Variants in KIF19 observed in about 807,000 individuals in gnomAD.
KIF19 encodes the protein kinesin family member 19.
KIF19 carries 98 observed loss-of-function variants against 106.6 expected under a neutral mutation model. That is an observed-to-expected ratio of 0.92 (90% CI 0.78 to 1.09). The LOEUF (loss-of-function observed/expected upper bound fraction) is 1.09. Among genes scored for constraint, KIF19 ranks in the 50% least tolerant of loss-of-function variants. KIF19 has a pLI of 0.00. For missense variants in KIF19, 1,373 were observed against 1,414.3 expected (o/e 0.97, Z 0.47); for synonymous variants, 516 against 584.2 (o/e 0.88, Z 1.68).
At position 74,352,071 on chromosome 17, in the gene KIF19, C is replaced by T. The variant is rs1338832337; in HGVS notation, c.1792C>T (p.Arg598Cys). ...GCTCCGCCACCGCCACGAGGCCGTG[C>T]GCCGCCTGGAGCAGCACCGCAGTCT... ...GALRHRHEAV[R>C]RLEQHRSLCD... The change falls in exon 13 of 20, where the codon CGC becomes TGC. Residue 598 changes from arginine (R) to cysteine (C), a missense_variant. Around this residue, in one of 3 missense-constraint regions of KIF19, gnomAD observed 1,020 missense variants for 1,008.2 expected, o/e 1.01. Transcript: ENST00000389916. 1.3e-6 allele frequency: 2 copies of T among 1,591,730 alleles called. No individual in the cohort carries two copies. The highest frequency in any genetic ancestry group is 8.5e-7 in the Non-Finnish European group (1 of 1,173,026).
Position 74,328,506 on chromosome 17 carries a change from G to T in KIF19, c.120+1G>T, listed in dbSNP as rs779415708. The T allele has an allele frequency of 3.2e-6, 5 of 1,585,244 alleles. No homozygotes were observed. In the South Asian group the frequency reaches 4.5e-5, roughly 14 times the overall value. ...CATCGCCCATAAAGTGGATGAGCAG[G>T]TATGCAGGGCTCTGCAGCAGGAGCT... is the stretch of plus-strand genomic sequence containing the variant. On this transcript the variant is annotated splice_donor_variant, in intron 2 of 19. Coordinates refer to ENST00000389916, the MANE Select transcript of KIF19 (RefSeq NM_153209.4). LOFTEE classifies it high-confidence loss of function.
In KIF19 at chr17:74,350,903, A is replaced by G. The variant is rs748741773; in HGVS notation, c.1585A>G (p.Lys529Glu). 6.5e-5 allele frequency: 105 copies of G among 1,613,364 alleles called. No homozygotes were observed. In the East Asian group the frequency reaches 2.2e-3, roughly 34 times the overall value. The stretch of plus-strand genomic sequence containing the variant: ...CGAGCAGAAGCAACTGCGCAAGCAG[A>G]AGGTGTCCAGGGTTTGGGGGGACAA... Reference protein sequence around the residue: ...VDEQKQLRKQKLALEQRCREL... With the variant: ...VDEQKQLRKQELALEQRCREL... The change falls in exon 12 of 20, where the codon AAG (lysine) becomes GAG (glutamate). Residue 529 changes from lysine (K) to glutamate (E), a missense_variant and splice_region_variant. Physicochemically the swap from Lys to Glu is moderately conservative, Grantham distance 56 (BLOSUM62 1). Coordinates refer to ENST00000389916, the MANE Select transcript of KIF19 (RefSeq NM_153209.4).
rs765868250 is a variant in KIF19 at position 74,352,140 on chromosome 17, A to G, written c.1858+3A>G. 2 of 1,582,612 alleles carry G rather than the reference A, an allele frequency of 1.3e-6. No homozygotes were observed. Among genetic ancestry groups the G allele is most frequent in the East Asian group, 4.6e-5 (2 of 43,924 alleles). On this transcript the variant is annotated splice_donor_region_variant and intron_variant, in intron 13 of 19. Coordinates refer to ENST00000389916, the MANE Select transcript of KIF19 (RefSeq NM_153209.4). ...GGGCCAGCGGCAGATCATCGACGGT[A>G]GGGCCCACGCCCCCGCGCATCTGAG...
intron 2 of KIF19, 104 bp downstream of exon 2, chr17:74,328,609 C>T: frequency 1.2e-6 from 1 of 860,272 alleles, no homozygotes. Context: ...CAGCACCCTC[C>T]TTCCTCTACT....
intron 1 of KIF19, among the ~76,000 whole-genome samples, chr17:74,327,092 G>A (rs1385750002): frequency 6.6e-6 from 1 of 152,168 alleles, no homozygotes; most frequent in Non-Finnish European, 1.5e-5. Flanking sequence ...CCACTAGGCT[G>A]TGGGTGGGTG....
intron 2 of KIF19, among the ~76,000 whole-genome samples, chr17:74,338,443 C>T (rs59396644): frequency 0.012 from 1,844 of 150,488 alleles, 55 homozygotes; most frequent in East Asian, 0.087. Context: ...TTCTTTTCCC[C>T]GCACAAAGCC....
Position 74,346,336 on chromosome 17 carries a change from T to A in KIF19, c.778-42T>A. 1 of 1,543,004 alleles carries A rather than the reference T, an allele frequency of 6.5e-7. No individual in the cohort carries two copies. Among genetic ancestry groups the A allele is most frequent in the Non-Finnish European group, 8.8e-7 (1 of 1,139,856 alleles). On this transcript the variant is annotated intron_variant, in intron 7 of 19. Transcript: ENST00000389916. This position sits in a 1 kb window ranked among gnomAD's most constrained non-coding sequence, Gnocchi z 4.6. ...GTGGCTGGGGAGAAACCCAGTCCCCTGCCTCATCAGGCCACACGTGTGCCC... is the reference window on the plus strand; with the variant it reads ...GTGGCTGGGGAGAAACCCAGTCCCCAGCCTCATCAGGCCACACGTGTGCCC...
In KIF19 at chr17:74,350,853, G is replaced by T. The variant is rs151092909; in HGVS notation, c.1535G>T (p.Arg512Leu). ...ILEPPEVAAA[R>L]ESIAALVDEQ... ...GAGCCACCCGAGGTGGCCGCAGCCC[G>T]GGAGAGCATTGCAGCCCTGGTGGAC... The change falls in exon 12 of 20, where the codon CGG (arginine) becomes CTG (leucine). Residue 512 changes from arginine to leucine, a missense_variant. Around this residue, in one of 3 missense-constraint regions of KIF19, gnomAD observed 1,020 missense variants for 1,008.2 expected, o/e 1.01. Coordinates refer to ENST00000389916, the MANE Select transcript of KIF19 (RefSeq NM_153209.4). The T allele has an allele frequency of 5.5e-5, 89 of 1,613,986 alleles. No homozygotes were observed. The African/African-American group carries it at 1.2e-3, about 21-fold the overall frequency.
intron 12 of KIF19, among the ~76,000 whole-genome samples, chr17:74,351,528 A>C (rs562013870): frequency 6.6e-6 from 1 of 152,130 alleles, no homozygotes; most frequent in Non-Finnish European, 1.5e-5. Context: ...GGTTTTCCCA[A>C]TAACAGATCT....
chr17:74,346,373 C>T lies in KIF19; in HGVS notation c.778-5C>T. 6.4e-7 allele frequency: 1 copy of T among 1,570,514 alleles called. No individual in the cohort carries two copies. Among genetic ancestry groups the T allele is most frequent in the South Asian group, 1.2e-5 (1 of 85,192 alleles). ...CCACACGTGTGCCCTTTGCTCGCCC[C>T]CTAGACACAGAATCGTGGGCAGCGT... On this transcript the variant is annotated splice_polypyrimidine_tract_variant and splice_region_variant and intron_variant, in intron 7 of 19. Coordinates refer to ENST00000389916, the MANE Select transcript of KIF19 (RefSeq NM_153209.4). The surrounding 1 kb of genome is among the most constrained non-coding windows in gnomAD (Gnocchi z 4.6).
rs1396453770 is a variant in KIF19 at position 74,346,726 on chromosome 17, C to T, written c.924+202C>T. Among the ~76,000 whole-genome samples, 1 of 152,160 alleles carries T rather than the reference C, an allele frequency of 6.6e-6. No homozygotes were observed. Among genetic ancestry groups the T allele is most frequent in the Admixed American group, 6.5e-5 (1 of 15,276 alleles). On this transcript the variant is annotated intron_variant, in intron 8 of 19. Transcript: ENST00000389916. The surrounding 1 kb of genome is among the most constrained non-coding windows in gnomAD (Gnocchi z 4.6). ...TTGCATATCTGAAATTCAAATTTAA[C>T]TGGGTATCCTGTATTTTATCTGACG...
chr17:74,351,962 GGTGCTCAGCCTGCTGTGCCGC>G lies in KIF19; in HGVS notation c.1688_1708del (p.Leu563_Val569del), dbSNP rs2054717439. On this transcript the variant is annotated inframe_deletion, in exon 13 of 20. Coordinates refer to ENST00000389916, the MANE Select transcript of KIF19 (RefSeq NM_153209.4). Reference sequence around the variant, plus strand: ...GCATCGGCTCCGAGGAGCAGCGCGAGGTGCTCAGCCTGCTGTGCCGCGTGCACGAGCTCGAGGTGGAGAACA... The same window carrying G: ...GCATCGGCTCCGAGGAGCAGCGCGAGGTGCACGAGCTCGAGGTGGAGAACA... The G allele has an allele frequency of 5.3e-6, 8 of 1,509,812 alleles. No individual in the cohort carries two copies. Among genetic ancestry groups the G allele is most frequent in the Non-Finnish European group, 5.3e-6 (6 of 1,136,534 alleles). The allele number at this position is 1,509,812 out of a possible 1,614,324, so 93.5% of individuals were successfully genotyped here.
intron 2 of KIF19, among the ~76,000 whole-genome samples, chr17:74,336,846 G>A (rs1300332266): frequency 6.6e-6 from 1 of 152,002 alleles, no homozygotes; most frequent in East Asian, 1.9e-4. Flanking sequence ...GTTTTTTTGA[G>A]ACAGAGTCTC....
rs755214136 is a variant in KIF19 at position 74,347,853 on chromosome 17, G to T, written c.1001G>T (p.Arg334Leu). 6 of 1,586,192 alleles carry T rather than the reference G, an allele frequency of 3.8e-6. No individual in the cohort carries two copies. The South Asian group carries it at 5.8e-5, about 15-fold the overall frequency. The change falls in exon 9 of 20, where the codon CGG becomes CTG. Residue 334 changes from arginine (R) to leucine (L), a missense_variant. Transcript: ENST00000389916. ...GCGAGCAGTGCCTTCGAGGAGTCCC[G>T]GAACACCCTGACCTACGCCGGCCGG... is the stretch of plus-strand genomic sequence containing the variant. ...SPASSAFEES[R>L]NTLTYAGRAK...
At chr17:74,342,338 C>T (rs1413077015) in intron 3 of KIF19, among the ~76,000 whole-genome samples, 4 of 152,210 alleles carry the variant, frequency 2.6e-5, no homozygotes, top group Non-Finnish European at 5.9e-5. Context: ...ACCCCCATCT[C>T]GCCCATCTGT....
Position 74,346,288 on chromosome 17 carries a change from T to C in KIF19, c.778-90T>C. ...GTCCTTGGGGGTTTATTACCCAGGATCACCAGGTCATTCATTGGTGGGGTG... is the reference window on the plus strand; with the variant it reads ...GTCCTTGGGGGTTTATTACCCAGGACCACCAGGTCATTCATTGGTGGGGTG... On this transcript the variant is annotated intron_variant, in intron 7 of 19. Coordinates refer to ENST00000389916, the MANE Select transcript of KIF19 (RefSeq NM_153209.4). The surrounding 1 kb of genome is among the most constrained non-coding windows in gnomAD (Gnocchi z 4.6). The C allele has an allele frequency of 1.4e-6, 2 of 1,401,206 alleles. No individual in the cohort carries two copies. Among genetic ancestry groups the C allele is most frequent in the Non-Finnish European group, 1.9e-6 (2 of 1,030,344 alleles). 86.8% of individuals were successfully genotyped at this position (1,401,206 alleles called of 1,614,324 possible).
chr17:74,354,972 G>A (rs1242976261), intron 19 of KIF19, 31 bp downstream of exon 19: 2 of 1,572,082 alleles, frequency 1.3e-6, no homozygotes, highest in African/African-American at 2.7e-5. Context: ...GATGGGGAGG[G>A]GAGGCCTCCA....
intron 5 of KIF19, among the ~76,000 whole-genome samples, chr17:74,343,449 CCT>C (rs2054441710): frequency 6.6e-6 from 1 of 152,210 alleles, no homozygotes; most frequent in South Asian, 2.1e-4. Context: ...TAGAGCAGAC[CCT>C]GTCTGCCCTG....
Position 74,352,038 on chromosome 17 carries a change from G to A in KIF19, c.1759G>A (p.Asp587Asn), listed in dbSNP as rs1446972628. The A allele has an allele frequency of 2.5e-6, 4 of 1,575,298 alleles. No homozygotes were observed. Among genetic ancestry groups the A allele is most frequent in the South Asian group, 2.3e-5 (2 of 87,374 alleles). Residue 587 changes from aspartate (D) to asparagine (N), a missense_variant, in exon 13 of 20, where the codon GAC (aspartate) becomes AAC (asparagine). Around this residue, in one of 3 missense-constraint regions of KIF19, gnomAD observed 1,020 missense variants for 1,008.2 expected, o/e 1.01. Transcript: ENST00000389916. ...GATGCAGTCGCACGCGCTGCTCCGC[G>A]ACGGTGCGCTCCGCCACCGCCACGA... ...TEMQSHALLRDGALRHRHEAV... is the reference protein window; with the variant it reads ...TEMQSHALLRNGALRHRHEAV...
Sources: gnomAD v4.1 joint callset for allele counts (sites outside exome capture counted in the v4.1 genomes callset) on GRCh38, gnomAD v4.1.1 for gene constraint, gnomAD v4.1.1 regional missense constraint, Gnocchi (gnomAD v3.1) non-coding constraint, MANE v1.5 for transcripts, NCBI Gene and HGNC (gene_info 2026-07-23, HGNC 2026-07-21) for gene names.